Variants in BICDL2 observed in about 807,000 individuals in gnomAD.
BICDL2 encodes the protein BICD family like cargo adaptor 2, also known as BICD family-like cargo adapter 2.
In BICDL2, 62 loss-of-function variants were observed where a neutral mutation model predicts 56.6. That is an observed-to-expected ratio of 1.10 (90% CI 0.89 to 1.35). The LOEUF is 1.35. BICDL2 is among the 40% of genes most tolerant of loss of function. The pLI is 0.00. For missense variants in BICDL2, 808 were observed against 684.5 expected (o/e 1.18, Z -2.01); for synonymous variants, 358 against 319.8 (o/e 1.12, Z -1.27).
chr16:3,029,536 C>T lies in BICDL2; in HGVS notation c.957+9G>A. The stretch of plus-strand genomic sequence containing the variant: ...CACAGGTAAGGGGGCTGGGGCCCCA[C>T]GAGCTCACCGGGGTGTCTCCGGGTG... On this transcript the variant is annotated intron_variant, in intron 6 of 9. Coordinates refer to ENST00000572449, the MANE Select transcript of BICDL2 (RefSeq NM_001369667.1). The T allele has an allele frequency of 1.3e-6, 2 of 1,553,604 alleles. No individual in the cohort carries two copies. The highest frequency in any genetic ancestry group is 1.4e-5 in the African/African-American group (1 of 73,826).
At position 3,028,439 on chromosome 16, in the gene BICDL2, C is replaced by A. The variant is rs772782127; in HGVS notation, c.1268G>T (p.Arg423Leu). 2 of 1,565,078 alleles carry A rather than the reference C, an allele frequency of 1.3e-6. No individual in the cohort carries two copies. The highest frequency in any genetic ancestry group is 1.8e-5 in the Admixed American group (1 of 54,100). Residue 423 changes from arginine (R) to leucine (L), a missense_variant, in exon 9 of 10, where the codon CGC becomes CTC. By Grantham distance (102) the Arg-to-Leu change is moderately radical. Coordinates refer to ENST00000572449, the MANE Select transcript of BICDL2 (RefSeq NM_001369667.1). ...CAGGGAGTCTCGCTCCAGCGAGACG[C>A]GGTTGAGCTGCAGGGACAGCTCCAG... ...KALELSLQLN[R>L]VSLERDSLSR...
At chr16:3,028,524 G>C (rs1567419536) in intron 8 of BICDL2, 56 bp from the exon 9 acceptor site, 3 of 1,553,454 alleles carry the variant, frequency 1.9e-6, no homozygotes, top group Non-Finnish European at 1.7e-6. Context: ...CAGGGAGCCG[G>C]GGTGGCGGGG....
intron 2 of BICDL2, among the ~76,000 whole-genome samples, chr16:3,034,582 T>C (rs890699265): frequency 2.6e-5 from 4 of 151,512 alleles, no homozygotes; most frequent in Admixed American, 6.6e-5. Context: ...ATGCCTGGCC[T>C]GAATCCAGGT....
rs763089671 is a variant in BICDL2, at chr16:3,030,683, A to G, written c.615+13T>C. The G allele has an allele frequency of 1.2e-6, 2 of 1,607,826 alleles. No homozygotes were observed. The highest frequency in any genetic ancestry group is 2.2e-5 in the South Asian group (2 of 90,352). The stretch of plus-strand genomic sequence containing the variant: ...TTGGCTCAGATAATCCCCCAGCCCC[A>G]GCTGACACTCACTTCCCCCTGCAGA... On this transcript the variant is annotated intron_variant, in intron 4 of 9. Coordinates refer to ENST00000572449, the MANE Select transcript of BICDL2 (RefSeq NM_001369667.1).
chr16:3,029,371 T>C lies in BICDL2; in HGVS notation c.1016A>G (p.Glu339Gly). The C allele has an allele frequency of 3.2e-6, 5 of 1,542,390 alleles. No homozygotes were observed. Among genetic ancestry groups the C allele is most frequent in the Non-Finnish European group, 4.4e-6 (5 of 1,129,892 alleles). The change falls in exon 7 of 10, where the codon GAG becomes GGG. Residue 339 changes from glutamate to glycine, a missense_variant. Coordinates refer to ENST00000572449, the MANE Select transcript of BICDL2 (RefSeq NM_001369667.1). ...ASSPQPSPPEEILEPPKKRTS... is the reference protein window; with the variant it reads ...ASSPQPSPPEGILEPPKKRTS... ...TCGCTTCTTGGGGGGCTCTAAGATC[T>C]CTTCCGGGGGTGAAGGCTGGGGGCT...
chr16:3,028,084 G>C lies in BICDL2; in HGVS notation c.*22C>G, dbSNP rs1477744087. ...GAAAGTGAGCCCCTAAGTGGGCAAG[G>C]GCAGCCCTCTGGGCCCAGCCGTCAG... is the stretch of plus-strand genomic sequence containing the variant. On this transcript the variant is annotated 3_prime_UTR_variant, in exon 10 of 10. Transcript: ENST00000572449. 2 of 1,407,348 alleles carry C rather than the reference G, an allele frequency of 1.4e-6. No homozygotes were observed. The highest frequency in any genetic ancestry group is 1.8e-6 in the Non-Finnish European group (2 of 1,083,062). The allele number at this position is 1,407,348 out of a possible 1,614,324, so 87.2% of individuals were successfully genotyped here. A position where few individuals can be genotyped will look rare whatever the true frequency, so the allele number is the denominator to read the frequency against.
chr16:3,028,515 A>G (rs1955592637), intron 8 of BICDL2, 47 bp from the exon 9 acceptor site: 2 of 1,560,668 alleles, frequency 1.3e-6, no homozygotes, highest in East Asian at 4.6e-5. Flanking sequence ...CTAGGGCCTC[A>G]GGGAGCCGGG....
In BICDL2 at chr16:3,029,566, G is replaced by A; in HGVS notation, c.936C>T (p.Ala312=). 6.5e-7 allele frequency: 1 copy of A among 1,547,080 alleles called. No homozygotes were observed. The highest frequency in any genetic ancestry group is 8.7e-7 in the Non-Finnish European group (1 of 1,150,734). Residue 312 remains alanine (A), a synonymous_variant, in exon 6 of 10, where the codon GCC becomes GCT. Transcript: ENST00000572449. ...TCACCGGGGTGTCTCCGGGTGCGTCGGCGCCCTGGCCCTGGTCGCCGTCGT... is the reference window on the plus strand; with the variant it reads ...TCACCGGGGTGTCTCCGGGTGCGTCAGCGCCCTGGCCCTGGTCGCCGTCGT... ...SLDDGDQGQG[A]DAPGDTPTTR... is the part of the protein sequence containing the mutation.
At chr16:3,035,898 C>T in intron 1 of BICDL2, 1 of 296,094 alleles carries the variant, frequency 3.4e-6, no homozygotes, top group South Asian at 3.3e-5. Flanking sequence ...AACCCAGGTT[C>T]TCAGGGACTC....
intron 8 of BICDL2, 24 bp downstream of exon 8, chr16:3,028,676 G>T: frequency 6.4e-7 from 1 of 1,561,652 alleles, no homozygotes. Flanking sequence ...GCGCTGGGGC[G>T]GTGGTCAATG....
chr16:3,036,897 A>G lies in BICDL2; in HGVS notation c.-34T>C, dbSNP rs987604085. The G allele has an allele frequency of 1.5e-5, 4 of 259,214 alleles. No homozygotes were observed. The highest frequency in any genetic ancestry group is 3.1e-5 in the Non-Finnish European group (4 of 131,070). The allele number at this position is 259,214 out of a possible 1,614,324, so 16.1% of individuals were successfully genotyped here. A position where few individuals can be genotyped will look rare whatever the true frequency, so the allele number is the denominator to read the frequency against. On this transcript the variant is annotated 5_prime_UTR_variant, in exon 1 of 10. Transcript: ENST00000572449. ...TCGGCGTCCCCCAGGCTCTCACCCGAAGCCGCCGGGCTCCCTCCGAGGTCC... is the reference window on the plus strand; with the variant it reads ...TCGGCGTCCCCCAGGCTCTCACCCGGAGCCGCCGGGCTCCCTCCGAGGTCC...
Position 3,027,839 on chromosome 16 carries a change from C to A in BICDL2, c.*267G>T. ...CGATCTTGATACATAAATACCCAGCCCCATCCCTGCCCTAGAAAAGATAGA... is the reference window on the plus strand; with the variant it reads ...CGATCTTGATACATAAATACCCAGCACCATCCCTGCCCTAGAAAAGATAGA... On this transcript the variant is annotated 3_prime_UTR_variant, in exon 10 of 10. Coordinates refer to ENST00000572449, the MANE Select transcript of BICDL2 (RefSeq NM_001369667.1). 1 of 819,824 alleles carries A rather than the reference C, an allele frequency of 1.2e-6. No individual in the cohort carries two copies. The highest frequency in any genetic ancestry group is 1.8e-6 in the Non-Finnish European group (1 of 548,884). The allele number at this position is 819,824 out of a possible 1,614,324, so 50.8% of individuals were successfully genotyped here.
chr16:3,031,546 C>T, intron 2 of BICDL2: 1 of 420,244 alleles, frequency 2.4e-6, no homozygotes, highest in Non-Finnish European at 4.2e-6. Flanking sequence ...CTGGACTCTG[C>T]CCAGCCCCCT....
In BICDL2 at chr16:3,036,724, G is replaced by A. The variant is rs577677301; in HGVS notation, c.-31+170C>T. 1,373 of 439,004 alleles carry A rather than the reference G, an allele frequency of 3.1e-3. 2 individuals are homozygous for A. Among genetic ancestry groups the A allele is most frequent in the Non-Finnish European group, 4.8e-3 (1,064 of 220,408 alleles). The allele number at this position is 439,004 out of a possible 1,614,324, so 27.2% of individuals were successfully genotyped here. On this transcript the variant is annotated intron_variant, in intron 1 of 9. Transcript: ENST00000572449. Reference sequence around the variant, plus strand: ...CCCCAGGCGTCGGAAGCCCAGAGAAGCGGCTGGGCTCACCCCCGACGGCTG... The same window carrying A: ...CCCCAGGCGTCGGAAGCCCAGAGAAACGGCTGGGCTCACCCCCGACGGCTG...
rs549637385 is a variant in BICDL2 at position 3,032,396 on chromosome 16, T to C, written c.283-1246A>G. On this transcript the variant is annotated intron_variant, in intron 2 of 9. Transcript: ENST00000572449. ...CTGATGCCTTGTGGCCTGGACACAA[T>C]ATCTCTAAGTCTATCCACCCACACT... 2.6e-5 allele frequency: 4 copies of C among 152,310 alleles called. 1 individual carries two copies. Among genetic ancestry groups the C allele is most frequent in the African/African-American group, 9.6e-5 (4 of 41,548 alleles). 9.4% of individuals were successfully genotyped at this position (152,310 alleles called of 1,614,324 possible).
At position 3,035,514 on chromosome 16, in the gene BICDL2, C is replaced by T. The variant is rs112661350; in HGVS notation, c.-18G>A. The T allele has an allele frequency of 5.7e-4, 903 of 1,596,236 alleles. 5 individuals are homozygous for T. The highest frequency in any genetic ancestry group is 4.8e-3 in the Middle Eastern group (25 of 5,182). On this transcript the variant is annotated 5_prime_UTR_variant, in exon 2 of 10. Transcript: ENST00000572449. ...GAGCTCATGTCACCTGCAGCATCTGCGGGGACAGGTGGCTGCGGGACACTC... is the reference window on the plus strand; with the variant it reads ...GAGCTCATGTCACCTGCAGCATCTGTGGGGACAGGTGGCTGCGGGACACTC...
rs772990278 is a variant in BICDL2, at chr16:3,035,301, C to A, written c.196G>T (p.Glu66Ter). 6.4e-7 allele frequency: 1 copy of A among 1,563,912 alleles called. No homozygotes were observed. Among genetic ancestry groups the A allele is most frequent in the Non-Finnish European group, 8.7e-7 (1 of 1,154,554 alleles). Residue 66 changes from glutamate (E) to a stop codon, truncating the protein, a stop_gained, in exon 2 of 10, where the codon GAG (glutamate) becomes TAG (stop). Coordinates refer to ENST00000572449, the MANE Select transcript of BICDL2 (RefSeq NM_001369667.1). LOFTEE classifies it high-confidence loss of function. The stretch of plus-strand genomic sequence containing the variant: ...CGCTCCAGAAGCATCTTGCCGAGCT[C>A]CGCGGCCAACAGCAGGTCTTTCTCC... ...QKEKDLLLAA[E>*]LGKMLLERNE...
At position 3,030,390 on chromosome 16, in the gene BICDL2, A is replaced by G; in HGVS notation, c.762+59T>C. On this transcript the variant is annotated intron_variant, in intron 5 of 9. Coordinates refer to ENST00000572449, the MANE Select transcript of BICDL2 (RefSeq NM_001369667.1). The stretch of plus-strand genomic sequence containing the variant: ...CCAGCTCCGGCCTCATCTCCCAGAA[A>G]GCCCTGAAGCCATTGCTAAGGGTCC... 5 of 1,560,746 alleles carry G rather than the reference A, an allele frequency of 3.2e-6. No homozygotes were observed. In the South Asian group the frequency reaches 4.6e-5, roughly 14 times the overall value.
Position 3,028,943 on chromosome 16 carries a change from C to T in BICDL2, c.1108-113G>A, listed in dbSNP as rs143969469. ...CCCTCCTCTGCCTGCGACAGACACCCCAGGCAGCCGTGGCCCTGTGCTGGA... is the reference window on the plus strand; with the variant it reads ...CCCTCCTCTGCCTGCGACAGACACCTCAGGCAGCCGTGGCCCTGTGCTGGA... On this transcript the variant is annotated intron_variant, in intron 7 of 9. Coordinates refer to ENST00000572449, the MANE Select transcript of BICDL2 (RefSeq NM_001369667.1). 6.7e-4 allele frequency: 919 copies of T among 1,362,564 alleles called. 11 individuals are homozygous for T. In the East Asian group the frequency reaches 0.019, roughly 28 times the overall value. The allele number at this position is 1,362,564 out of a possible 1,614,324, so 84.4% of individuals were successfully genotyped here.
Sources: allele counts gnomAD v4.1 joint callset (sites outside exome capture counted in the v4.1 genomes callset), GRCh38; gene constraint gnomAD v4.1.1; transcripts MANE v1.5; gene names NCBI Gene and HGNC (gene_info 2026-07-23, HGNC 2026-07-21).